ELMOD1: variants seen among roughly 807,000 people sequenced by gnomAD.
The protein encoded by ELMOD1 is ELMO domain containing 1, also known as ELMO domain-containing protein 1.
Under a neutral mutation model 46.7 loss-of-function variants are expected in ELMOD1, and 21 were observed. That is an observed-to-expected ratio of 0.45 (90% CI 0.32 to 0.65). ELMOD1 has a LOEUF of 0.65. ELMOD1 is among the 30% of genes least tolerant of loss of function. The probability of loss-of-function intolerance (pLI) is 0.04; values close to 1 mark genes in which losing one functional copy is unlikely to be tolerated. For missense variants in ELMOD1, 348 were observed against 407.8 expected (o/e 0.85, Z 1.26); for synonymous variants, 122 against 138.2 (o/e 0.88, Z 0.82).
chr11:107,625,462 TTTCTC>T, intron 2 of ELMOD1: 1 of 985,406 alleles, frequency 1.0e-6, no homozygotes, highest in South Asian at 4.7e-5. Context: ...ATAAGCCACT[TTTCTC>T]TTACTGTTCC....
chr11:107,625,375 G>A, intron 2 of ELMOD1: 1 of 970,662 alleles, frequency 1.0e-6, no homozygotes, highest in Non-Finnish European at 1.2e-6. Context: ...ATCAACAATA[G>A]TGTACTTTTT....
chr11:107,615,985 C>CTTTTT (rs57135460), intron 1 of ELMOD1, among the ~76,000 whole-genome samples: 2 of 74,046 alleles, frequency 2.7e-5, no homozygotes, highest in African/African-American at 1.1e-4. Context: ...CAGGTTTTTC[C>CTTTTT]TTTTTTTTTT....
intron 11 of ELMOD1, 77 bp from the exon 12 acceptor site, chr11:107,664,948 A>G: frequency 7.2e-7 from 1 of 1,380,056 alleles, no homozygotes; most frequent in Non-Finnish European, 1.0e-6. Context: ...CATCTTCCTC[A>G]GCATTCAGAA....
Position 107,665,214 on chromosome 11 carries a change from T to C in ELMOD1, c.*17T>C, listed in dbSNP as rs1866822327. 7 of 1,612,564 alleles carry C rather than the reference T, an allele frequency of 4.3e-6. 1 individual carries two copies. The East Asian group carries it at 1.3e-4, about 31-fold the overall frequency. On this transcript the variant is annotated 3_prime_UTR_variant, in exon 12 of 12. Coordinates refer to ENST00000265840, the MANE Select transcript of ELMOD1 (RefSeq NM_018712.4). ...AACATGTAGTTGCCCACGCCGGTTTTAATGGATACCCTGGAACACTGCCTC... is the reference window on the plus strand; with the variant it reads ...AACATGTAGTTGCCCACGCCGGTTTCAATGGATACCCTGGAACACTGCCTC...
chr11:107,609,682 C>G (rs767801339), intron 1 of ELMOD1, among the ~76,000 whole-genome samples: 3 of 152,168 alleles, frequency 2.0e-5, no homozygotes, highest in Non-Finnish European at 4.4e-5. Flanking sequence ...ACACTCATTA[C>G]TGCCCCTTTT....
chr11:107,648,752 T>G (rs1353973925), intron 7 of ELMOD1, among the ~76,000 whole-genome samples: 1 of 106,334 alleles, frequency 9.4e-6, no homozygotes, highest in Non-Finnish European at 1.9e-5. Flanking sequence ...CCTGGTTCCC[T>G]TGTTAGTGTC....
At chr11:107,623,733 C>T (rs890330475) in intron 2 of ELMOD1, 2 of 152,064 alleles carry the variant, frequency 1.3e-5, no homozygotes, top group African/African-American at 2.4e-5. Context: ...CTGTCCTTTT[C>T]CTTGCTAGAC....
At chr11:107,660,213 G>A (rs192005321) in intron 11 of ELMOD1, among the ~76,000 whole-genome samples, 354 of 152,296 alleles carry the variant, frequency 2.3e-3, no homozygotes, top group South Asian at 6.4e-3. Flanking sequence ...ATGCAGTGAA[G>A]CAAAACCAAG....
chr11:107,656,134 T>A lies in ELMOD1; in HGVS notation c.832+68T>A, dbSNP rs1277867188. ...TGGGCACGGTGGCTCACCCCTGTAA[T>A]CCCAGCACTTTGGGAGGCCAAGGCG... On this transcript the variant is annotated intron_variant, in intron 11 of 11. Transcript: ENST00000265840. 1.2e-5 allele frequency: 18 copies of A among 1,510,360 alleles called. No individual in the cohort carries two copies. The East Asian group carries it at 4.2e-4, about 35-fold the overall frequency. The allele number at this position is 1,510,360 out of a possible 1,614,324, so 93.6% of individuals were successfully genotyped here.
intron 1 of ELMOD1, among the ~76,000 whole-genome samples, chr11:107,607,503 C>CA (rs1565371195): frequency 1.3e-5 from 2 of 151,910 alleles, no homozygotes; most frequent in Admixed American, 6.6e-5. Flanking sequence ...CAAAAAAATA[C>CA]AAAAAATAGC....
intron 1 of ELMOD1, among the ~76,000 whole-genome samples, chr11:107,611,621 C>T (rs1190259219): frequency 1.4e-5 from 2 of 143,968 alleles, no homozygotes; most frequent in South Asian, 2.3e-4. Flanking sequence ...AGGAGAATGG[C>T]GTGAACCTGG....
chr11:107,652,407 G>C (rs1280022101), intron 9 of ELMOD1, among the ~76,000 whole-genome samples: 1 of 151,914 alleles, frequency 6.6e-6, no homozygotes, highest in Non-Finnish European at 1.5e-5. Flanking sequence ...CTATTAGTTT[G>C]TGTGTGTGTT....
In ELMOD1 at chr11:107,626,235, C is replaced by T. The variant is rs562072753; in HGVS notation, c.18-4182C>T. 2.0e-5 allele frequency among the ~76,000 whole-genome samples: 3 copies of T among 152,072 alleles called. No individual in the cohort carries two copies. The South Asian group carries it at 6.3e-4, about 32-fold the overall frequency. On this transcript the variant is annotated intron_variant, in intron 2 of 11. Coordinates refer to ENST00000265840, the MANE Select transcript of ELMOD1 (RefSeq NM_018712.4). ...AGCCTAGGAGGGAAAGGAGCAGAGC[C>T]ATAAACCCCCTGAGCAGAGGGTTCA...
chr11:107,603,773 G>A (rs1865642792), intron 1 of ELMOD1, among the ~76,000 whole-genome samples: 1 of 152,012 alleles, frequency 6.6e-6, no homozygotes, highest in African/African-American at 2.4e-5. Flanking sequence ...AGCTACTCGG[G>A]AGGCTGAGGC....
At chr11:107,660,248 T>G (rs889849581) in intron 11 of ELMOD1, among the ~76,000 whole-genome samples, 1 of 152,200 alleles carries the variant, frequency 6.6e-6, no homozygotes, top group Non-Finnish European at 1.5e-5. Context: ...ACAAATATGC[T>G]GCAGGCTGGA....
chr11:107,618,180 C>T lies in ELMOD1; in HGVS notation c.-10C>T, dbSNP rs1269101948. ...GTTCATATAGCATCTGGACAGTCAA[C>T]ACGGGCACCATGAAGCACTTCCTGA... On this transcript the variant is annotated 5_prime_UTR_variant, in exon 2 of 12. Transcript: ENST00000265840. 2 of 1,566,668 alleles carry T rather than the reference C, an allele frequency of 1.3e-6. No individual in the cohort carries two copies. Among genetic ancestry groups the T allele is most frequent in the East Asian group, 2.4e-5 (1 of 42,476 alleles).
rs747199099 is a variant in ELMOD1, at chr11:107,625,512, T to C, written c.18-4905T>C. Reference sequence around the variant, plus strand: ...CGTCAGAGTCACAAATTTAGGATGATGGCATAGTGTTGCATTACAGGTACC... The same window carrying C: ...CGTCAGAGTCACAAATTTAGGATGACGGCATAGTGTTGCATTACAGGTACC... On this transcript the variant is annotated intron_variant, in intron 2 of 11. Transcript: ENST00000265840. The C allele has an allele frequency of 1.5e-5, 15 of 985,308 alleles. No homozygotes were observed. The Admixed American group carries it at 6.2e-4, about 40-fold the overall frequency. 61.0% of individuals were successfully genotyped at this position (985,308 alleles called of 1,614,324 possible).
intron 5 of ELMOD1, among the ~76,000 whole-genome samples, chr11:107,632,031 C>T (rs1044568734): frequency 2.0e-5 from 3 of 152,212 alleles, no homozygotes; most frequent in Non-Finnish European, 4.4e-5. Flanking sequence ...TAAGCTGATT[C>T]TGTTCCATCT....
chr11:107,612,766 A>G (rs1591107912), intron 1 of ELMOD1, among the ~76,000 whole-genome samples: 2 of 152,366 alleles, frequency 1.3e-5, no homozygotes, highest in South Asian at 4.1e-4. Flanking sequence ...TTTAAAACAA[A>G]GCTACTTGAC....
Sources: allele counts gnomAD v4.1 joint callset (sites outside exome capture counted in the v4.1 genomes callset), GRCh38; gene constraint gnomAD v4.1.1; transcripts MANE v1.5; gene names NCBI Gene and HGNC (gene_info 2026-07-23, HGNC 2026-07-21).